Variants in AK9 observed in about 807,000 individuals in gnomAD.
The protein encoded by AK9 is adenylate kinase domain containing 1.
AK9 carries 191 observed loss-of-function variants against 239.6 expected under a neutral mutation model. The ratio of observed to expected loss-of-function variants is 0.80; its 90% CI spans 0.71 to 0.90. AK9 has a LOEUF of 0.90. AK9 is among the 40% of genes least tolerant of loss of function. The pLI is 0.00. For synonymous variants in AK9, 689 were observed against 721.0 expected, an observed-to-expected ratio of 0.96 and a Z score of 0.71; for missense variants, 1,995 against 2,214.7, an observed-to-expected ratio of 0.90 and a Z score of 1.99.
At chr6:109,546,156 TG>T in intron 25 of AK9, 29 bp from the exon 26 acceptor site, 1 of 901,254 alleles carries the variant, frequency 1.1e-6, no homozygotes, top group Non-Finnish European at 1.7e-6. Context: ...CAGGGAGGGG[TG>T]GGATAAAGGG....
chr6:109,544,626 C>G (rs1015619113), intron 26 of AK9, among the ~76,000 whole-genome samples: 3 of 152,160 alleles, frequency 2.0e-5, no homozygotes, highest in African/African-American at 7.2e-5. Flanking sequence ...TTTCTAAGGC[C>G]TCTCCAGAAG....
In AK9 at chr6:109,672,147, G is replaced by C. The variant is rs374636784; in HGVS notation, c.202C>G (p.Gln68Glu). The change falls in exon 4 of 41, where the codon CAG (glutamine) becomes GAG (glutamate). Residue 68 changes from glutamine (Q) to glutamate (E), a missense_variant. Gln to Glu is a conservative substitution (Grantham distance 29). Coordinates refer to ENST00000424296, the MANE Select transcript of AK9 (RefSeq NM_001145128.3). ...RVEALPILEE[Q>E]IAAETESGVM... ...CCTGATTCGGTTTCAGCAGCAATCT[G>C]TTCTTCTAAAATTGGCAAAGCTAAA... 25 of 1,612,858 alleles carry C rather than the reference G, an allele frequency of 1.6e-5. No homozygotes were observed. Among genetic ancestry groups the C allele is most frequent in the Non-Finnish European group, 2.0e-5 (24 of 1,179,496 alleles).
intron 28 of AK9, 71 bp downstream of exon 28, chr6:109,533,180 G>T: frequency 1.7e-6 from 2 of 1,175,548 alleles, no homozygotes; most frequent in Non-Finnish European, 1.1e-6. Flanking sequence ...TTTTTGTGAA[G>T]ATCACTTTAT....
At chr6:109,532,816 ACTC>A (rs67126213) in intron 28 of AK9, among the ~76,000 whole-genome samples, 31,504 of 151,848 alleles carry the variant, frequency 0.21, 3,428 homozygotes, top group South Asian at 0.34. Flanking sequence ...CTTATGGAAT[ACTC>A]CTCAGAATGT....
chr6:109,520,217 C>T (rs1779690720), intron 29 of AK9, among the ~76,000 whole-genome samples: 1 of 152,038 alleles, frequency 6.6e-6, no homozygotes. Context: ...TGGTGTTTCC[C>T]AGGTTTTCTT....
At chr6:109,614,756 T>C (rs1468925835) in intron 13 of AK9, among the ~76,000 whole-genome samples, 3 of 152,194 alleles carry the variant, frequency 2.0e-5, no homozygotes, top group Admixed American at 6.5e-5. Context: ...ACAGGAAGGC[T>C]GTTCCATGTT....
chr6:109,500,095 C>A (rs1428816012), intron 35 of AK9, among the ~76,000 whole-genome samples: 2 of 150,392 alleles, frequency 1.3e-5, no homozygotes, highest in African/African-American at 2.4e-5. Flanking sequence ...TGTATACCCG[C>A]ACATTTATAA....
chr6:109,501,907 T>C (rs891954131), intron 35 of AK9, among the ~76,000 whole-genome samples: 6 of 152,240 alleles, frequency 3.9e-5, no homozygotes, highest in African/African-American at 1.4e-4. Flanking sequence ...GAGAGCATTA[T>C]TGGCCTTAAA....
intron 17 of AK9, among the ~76,000 whole-genome samples, chr6:109,592,668 G>C (rs1027444134): frequency 6.6e-6 from 1 of 151,880 alleles, no homozygotes; most frequent in Non-Finnish European, 1.5e-5. Context: ...GGATGGTCTC[G>C]ATCTCCTGAC....
chr6:109,595,867 G>A lies in AK9; in HGVS notation c.1843-9795C>T, dbSNP rs35860616. On this transcript the variant is annotated intron_variant, in intron 17 of 40. Transcript: ENST00000424296. ...GGCCTGTCATTGGGTAGGGGACTAC[G>A]GGAAGGATAGCATTAGGAGAAATAC... 4.2e-3 allele frequency among the ~76,000 whole-genome samples: 645 copies of A among 152,270 alleles called. 7 individuals are homozygous for A. Among genetic ancestry groups the A allele is most frequent in the Non-Finnish European group, 7.5e-3 (510 of 68,022 alleles).
chr6:109,634,843 C>T lies in AK9; in HGVS notation c.934-1520G>A, dbSNP rs555130479. Among the ~76,000 whole-genome samples, 5 of 152,274 alleles carry T rather than the reference C, an allele frequency of 3.3e-5. No individual in the cohort carries two copies. The South Asian group carries it at 1.0e-3, about 32-fold the overall frequency. On this transcript the variant is annotated intron_variant, in intron 10 of 40. Transcript: ENST00000424296. ...TTCCTTATCATCCATATTTCCCACC[C>T]ATACATGAAAAAAGTATTTGAATAG... is the stretch of plus-strand genomic sequence containing the variant.
At position 109,510,441 on chromosome 6, in the gene AK9, G is replaced by C. The variant is rs114889702; in HGVS notation, c.4280-1061C>G. ...GCTGGAGATGACAGAACAACCAGTT[G>C]CAGAGAGGAACTACCCTCTCTGCTG... On this transcript the variant is annotated intron_variant, in intron 32 of 40. Transcript: ENST00000424296. Among the ~76,000 whole-genome samples, 471 of 152,114 alleles carry C rather than the reference G, an allele frequency of 3.1e-3. 2 individuals are homozygous for C. The highest frequency in any genetic ancestry group is 0.011 in the African/African-American group (449 of 41,510).
chr6:109,635,629 C>T (rs374277467), intron 10 of AK9, among the ~76,000 whole-genome samples: 21 of 152,296 alleles, frequency 1.4e-4, no homozygotes, highest in African/African-American at 4.6e-4. Context: ...CCACTACCCT[C>T]AAGCTCTACT....
At chr6:109,602,555 G>A (rs986835233) in intron 17 of AK9, among the ~76,000 whole-genome samples, 15 of 152,022 alleles carry the variant, frequency 9.9e-5, no homozygotes, top group Non-Finnish European at 1.8e-4. Flanking sequence ...ATGTGTCTTG[G>A]AGTTGCTCTT....
intron 29 of AK9, among the ~76,000 whole-genome samples, chr6:109,522,744 C>T (rs1162064155): frequency 6.6e-6 from 1 of 151,986 alleles, no homozygotes; most frequent in Non-Finnish European, 1.5e-5. Context: ...TGATTTTCCT[C>T]AAGTATATGG....
At chr6:109,590,769 A>C (rs1159690274) in intron 17 of AK9, among the ~76,000 whole-genome samples, 2 of 152,164 alleles carry the variant, frequency 1.3e-5, no homozygotes, top group Non-Finnish European at 2.9e-5. Context: ...CCTTAATTTC[A>C]TCATTGATCC....
rs749024416 is a variant in AK9, at chr6:109,662,619, T to C, written c.376A>G (p.Thr126Ala). ...ATTAATTCTATTTGCTGTAAGGTAG[T>C]CATGGCATCCTGTGAAAGTGATGGT... ...EIPSLSQDAM[T>A]TLQQIELIKN... The change falls in exon 6 of 41, where the codon ACT (threonine) becomes GCT (alanine). Residue 126 changes from threonine to alanine, a missense_variant. Transcript: ENST00000424296. 6.3e-7 allele frequency: 1 copy of C among 1,585,932 alleles called. No individual in the cohort carries two copies.
intron 27 of AK9, among the ~76,000 whole-genome samples, chr6:109,537,447 GATATCCCCTTTATCATTTTTTATTGCA>G (rs1184485028): frequency 1.4e-5 from 2 of 146,814 alleles, no homozygotes; most frequent in Non-Finnish European, 3.1e-5. Context: ...GATTGGTGGT[GATATCCCCTTTATCATTTTTTATTGCA>G]TCTATTTGAT....
At chr6:109,615,110 G>A (rs555507360) in intron 13 of AK9, among the ~76,000 whole-genome samples, 50 of 152,250 alleles carry the variant, frequency 3.3e-4, no homozygotes, top group African/African-American at 1.1e-3. Flanking sequence ...CCAGGAGCCC[G>A]GCTAACTTCC....
Sources: gnomAD v4.1 joint callset for allele counts (sites outside exome capture counted in the v4.1 genomes callset) on GRCh38, gnomAD v4.1.1 for gene constraint, MANE v1.5 for transcripts, NCBI Gene and HGNC (gene_info 2026-07-23, HGNC 2026-07-21) for gene names.